The following EYS variants were observed in gnomAD, a reference collection of about 807,000 sequenced individuals.
The protein encoded by EYS is protein eyes shut homolog.
In EYS, 250 loss-of-function variants were observed where a neutral mutation model predicts 282.1. The observed-to-expected ratio is 0.89, with a 90% confidence interval of 0.80 to 0.98. The LOEUF (loss-of-function observed/expected upper bound fraction) is 0.98. Ranked by LOEUF, EYS falls within the 50% of genes least tolerant of loss-of-function variation. The pLI is 0.00. For missense variants in EYS, 4,016 were observed against 3,709.0 expected (o/e 1.08, Z -2.15); for synonymous variants, 1,355 against 1,282.9 (o/e 1.06, Z -1.20).
At chr6:63,838,911 A>T (rs753017765) in intron 36 of EYS, among the ~76,000 whole-genome samples, 3 of 152,058 alleles carry the variant, frequency 2.0e-5, no homozygotes, top group Non-Finnish European at 4.4e-5. Context: ...GACAATACCC[A>T]ATTTTTTCTT....
At chr6:63,784,102 T>G (rs558853587) in intron 39 of EYS, among the ~76,000 whole-genome samples, 1 of 152,212 alleles carries the variant, frequency 6.6e-6, no homozygotes, top group Non-Finnish European at 1.5e-5. Context: ...TTGAGCCTGA[T>G]GGCTTTCAGA....
intron 21 of EYS, among the ~76,000 whole-genome samples, chr6:64,819,328 A>C (rs1764832463): frequency 6.6e-6 from 1 of 152,150 alleles, no homozygotes; most frequent in African/African-American, 2.4e-5. Context: ...GAGTACACTT[A>C]ATGTATTAGT....
chr6:63,783,771 C>G (rs1770294871), intron 39 of EYS, among the ~76,000 whole-genome samples: 1 of 151,996 alleles, frequency 6.6e-6, no homozygotes, highest in African/African-American at 2.4e-5. Context: ...GGCCCTGAGG[C>G]AGGGAAAATA....
intron 22 of EYS, among the ~76,000 whole-genome samples, chr6:64,684,268 C>A (rs959748140): frequency 1.8e-4 from 27 of 152,134 alleles, no homozygotes; most frequent in Non-Finnish European, 2.5e-4. Context: ...CCATGAACAA[C>A]AACAGAAATA....
chr6:63,896,886 G>A (rs547128227), intron 35 of EYS, among the ~76,000 whole-genome samples: 17 of 151,838 alleles, frequency 1.1e-4, no homozygotes, highest in Non-Finnish European at 2.4e-4. Flanking sequence ...CGTCTCAATA[G>A]GTCATTTCCT....
At chr6:63,762,670 T>A in intron 40 of EYS, 37 bp from the exon 41 acceptor site, 1 of 1,533,922 alleles carries the variant, frequency 6.5e-7, no homozygotes, top group Non-Finnish European at 8.8e-7. Flanking sequence ...TTTGAGCACT[T>A]GTTTAGAGAT....
At chr6:65,271,939 G>A (rs1245848460) in intron 12 of EYS, among the ~76,000 whole-genome samples, 1 of 152,098 alleles carries the variant, frequency 6.6e-6, no homozygotes, top group Non-Finnish European at 1.5e-5. Context: ...CCTTCAGCCA[G>A]TTGAAGGAGA....
intron 31 of EYS, among the ~76,000 whole-genome samples, chr6:64,096,576 T>A (rs1399080100): frequency 1.3e-5 from 2 of 152,248 alleles, no homozygotes; most frequent in Non-Finnish European, 2.9e-5. Flanking sequence ...GTCACGTAGT[T>A]CTCATGCTGT....
chr6:64,011,414 A>G (rs945295601), intron 33 of EYS, among the ~76,000 whole-genome samples: 3 of 152,208 alleles, frequency 2.0e-5, no homozygotes, highest in Non-Finnish European at 4.4e-5. Flanking sequence ...ATGAAAAAAA[A>G]GTTAACCAAG....
intron 30 of EYS, among the ~76,000 whole-genome samples, chr6:64,281,375 C>A (rs1768304150): frequency 1.3e-5 from 2 of 152,010 alleles, no homozygotes. Flanking sequence ...TCAGCACTCT[C>A]ATATGTTTTA....
chr6:65,350,846 G>A (rs1770570992), intron 9 of EYS, among the ~76,000 whole-genome samples: 1 of 151,536 alleles, frequency 6.6e-6, no homozygotes, highest in Non-Finnish European at 1.5e-5. Flanking sequence ...CAATCATATT[G>A]GCAAGAATTG....
intron 22 of EYS, among the ~76,000 whole-genome samples, chr6:64,707,274 C>T (rs1226370667): frequency 6.6e-6 from 1 of 152,006 alleles, no homozygotes; most frequent in Non-Finnish European, 1.5e-5. Flanking sequence ...TCTTTTCACT[C>T]ATAAGTGGGA....
chr6:64,115,849 G>T lies in EYS; in HGVS notation c.6425-33847C>A, dbSNP rs147207777. On this transcript the variant is annotated intron_variant, in intron 31 of 42. Transcript: ENST00000503581. ...TTCTAGTAACAGACTTCCCAAAGTG[G>T]AGATCTATGAATTTCCTAACAATAA... Among the ~76,000 whole-genome samples, 77 of 151,936 alleles carry T rather than the reference G, an allele frequency of 5.1e-4. 1 individual carries two copies. Among genetic ancestry groups the T allele is most frequent in the African/African-American group, 1.9e-3 (77 of 41,472 alleles).
intron 12 of EYS, among the ~76,000 whole-genome samples, chr6:65,181,062 T>C (rs1331951274): frequency 1.3e-5 from 2 of 152,136 alleles, no homozygotes; most frequent in Admixed American, 6.6e-5. Context: ...TAATTCAAGA[T>C]GTATTAGAGA....
chr6:65,460,966 A>G (rs2150409562), intron 5 of EYS, among the ~76,000 whole-genome samples: 1 of 152,254 alleles, frequency 6.6e-6, no homozygotes, highest in East Asian at 1.9e-4. Flanking sequence ...AAGGTCAAAT[A>G]CTGTTTCTAT....
intron 26 of EYS, among the ~76,000 whole-genome samples, chr6:64,496,414 T>C (rs1394252019): frequency 6.6e-6 from 1 of 151,980 alleles, no homozygotes; most frequent in Non-Finnish European, 1.5e-5. Flanking sequence ...GTAAACCTAG[T>C]AGTTAATTTT....
At chr6:63,946,847 C>T (rs1765413076) in intron 35 of EYS, among the ~76,000 whole-genome samples, 1 of 149,990 alleles carries the variant, frequency 6.7e-6, no homozygotes, top group Non-Finnish European at 1.5e-5. Flanking sequence ...ATAAAAATGT[C>T]TGTGATGAAA....
chr6:64,963,172 G>T (rs550942145), intron 14 of EYS, among the ~76,000 whole-genome samples: 4 of 152,256 alleles, frequency 2.6e-5, no homozygotes, highest in African/African-American at 9.6e-5. Context: ...ACATTCTAAA[G>T]ATAGTTACTG....
intron 29 of EYS, among the ~76,000 whole-genome samples, chr6:64,327,507 C>T (rs1770471677): frequency 6.6e-6 from 1 of 152,080 alleles, no homozygotes; most frequent in African/African-American, 2.4e-5. Context: ...GGACAATAGA[C>T]AGGGAAATAA....
Sources: gnomAD v4.1 joint callset for allele counts (sites outside exome capture counted in the v4.1 genomes callset) on GRCh38, gnomAD v4.1.1 for gene constraint, MANE v1.5 for transcripts, NCBI Gene and HGNC (gene_info 2026-07-23, HGNC 2026-07-21) for gene names.